METTL9: variants seen among roughly 807,000 people sequenced by gnomAD.
METTL9 encodes methyltransferase 9, His-X-His N1(pi)-histidine, also known as protein-L-histidine N-pros-methyltransferase.
Under a neutral mutation model 36.0 loss-of-function variants are expected in METTL9, and 10 were observed. The ratio of observed to expected loss-of-function variants is 0.28; its 90% CI spans 0.17 to 0.47. The LOEUF is 0.47. METTL9 is among the 20% of genes least tolerant of loss of function. The pLI is 0.99. For missense variants in METTL9, 246 were observed against 383.5 expected (o/e 0.64, Z 3.00); for synonymous variants, 175 against 149.7 (o/e 1.17, Z -1.23).
chr16:21,625,066 C>A lies in METTL9; in HGVS notation c.702C>A (p.Gly234=). Residue 234 remains glycine, a synonymous_variant, in exon 4 of 5, where the codon GGC becomes GGA. Transcript: ENST00000358154. The part of the protein sequence containing the change: ...DIRSVLEPTR[G]RVILALVLPF... Reference sequence around the variant, plus strand: ...GAAGTGTCTTGGAGCCAACTAGAGGCAGGGTCATCCTTGCCCTTGTCCTCC... The same window carrying A: ...GAAGTGTCTTGGAGCCAACTAGAGGAAGGGTCATCCTTGCCCTTGTCCTCC... 1 of 1,614,202 alleles carries A rather than the reference C, an allele frequency of 6.2e-7. No homozygotes were observed. Among genetic ancestry groups the A allele is most frequent in the Non-Finnish European group, 8.5e-7 (1 of 1,180,042 alleles).
At chr16:21,624,741 TA>T (rs201717884) in intron 3 of METTL9, among the ~76,000 whole-genome samples, 189 bp from the exon 4 acceptor site, 1,679 of 143,046 alleles carry the variant, frequency 0.012, 53 homozygotes, top group East Asian at 0.099. Context: ...AAGAAAAAAT[TA>T]AAAAAAAAAA....
chr16:21,636,560 C>T (rs1175858631), intron 4 of METTL9, among the ~76,000 whole-genome samples: 5 of 152,162 alleles, frequency 3.3e-5, no homozygotes, highest in Admixed American at 1.3e-4. Context: ...CTCGCTTGGG[C>T]GACATTGAGA....
At chr16:21,648,367 C>T (rs1000371358) in intron 4 of METTL9, among the ~76,000 whole-genome samples, 3 of 152,162 alleles carry the variant, frequency 2.0e-5, no homozygotes, top group Non-Finnish European at 4.4e-5. Flanking sequence ...GTTAGTGTGA[C>T]GTTCAAGATG....
At chr16:21,647,397 C>T (rs374014200) in intron 4 of METTL9, 18 of 1,613,918 alleles carry the variant, frequency 1.1e-5, no homozygotes, top group African/African-American at 2.7e-5. Context: ...CATCCGGTTG[C>T]GGAGAAGGTA....
At chr16:21,631,000 C>T (rs1238386919) in intron 4 of METTL9, among the ~76,000 whole-genome samples, 4 of 152,148 alleles carry the variant, frequency 2.6e-5, no homozygotes, top group African/African-American at 9.7e-5. Flanking sequence ...CAGAGTCCTC[C>T]CTTCTCAGCA....
intron 1 of METTL9, among the ~76,000 whole-genome samples, chr16:21,600,968 C>CCAG (rs1965109145): frequency 6.6e-6 from 1 of 151,916 alleles, no homozygotes. Flanking sequence ...GAATTTACAC[C>CCAG]CAGGTTGATT....
At chr16:21,621,526 T>G (rs918844204) in intron 3 of METTL9, among the ~76,000 whole-genome samples, 2 of 152,182 alleles carry the variant, frequency 1.3e-5, no homozygotes, top group African/African-American at 4.8e-5. Context: ...AAGGTTTCAC[T>G]GTGTTGCCCA....
Position 21,600,508 on chromosome 16 carries a change from G to A in METTL9, c.165+610G>A, listed in dbSNP as rs994030277. 5.3e-5 allele frequency among the ~76,000 whole-genome samples: 8 copies of A among 152,152 alleles called. No individual in the cohort carries two copies. The East Asian group carries it at 5.8e-4, about 11-fold the overall frequency. On this transcript the variant is annotated intron_variant, in intron 1 of 4. Coordinates refer to ENST00000358154, the MANE Select transcript of METTL9 (RefSeq NM_016025.5). ...CTACGGAACCTTCCCCTCCTACCTA[G>A]CAGAGATCTCCTTTAAACTTGGATT...
At chr16:21,597,973 G>A (rs1282472512), upstream of METTL9, 4 of 152,146 alleles carry the variant, frequency 2.6e-5, no homozygotes, top group African/African-American at 9.7e-5. Context: ...GTGCCTTTTT[G>A]TTTGTTGTTA....
At chr16:21,624,709 A>G (rs930834974) in intron 3 of METTL9, among the ~76,000 whole-genome samples, 1 of 151,938 alleles carries the variant, frequency 6.6e-6, no homozygotes, top group Non-Finnish European at 1.5e-5. Context: ...CCTGGGCAAC[A>G]GAGTGAGGCT....
In METTL9 at chr16:21,617,983, G is replaced by A; in HGVS notation, c.475G>A (p.Val159Ile). 1 of 1,613,402 alleles carries A rather than the reference G, an allele frequency of 6.2e-7. No homozygotes were observed. The highest frequency in any genetic ancestry group is 1.1e-5 in the South Asian group (1 of 90,878). ...LLDLGAGDGEVTKIMSPHFEE... is the reference protein window; with the variant it reads ...LLDLGAGDGEITKIMSPHFEE... ...TGATTTAGGTGCTGGAGATGGAGAA[G>A]TCACAAAAATCATGAGCCCTCATTT... Residue 159 changes from valine to isoleucine, a missense_variant, in exon 3 of 5, where the codon GTC becomes ATC. Around this residue, in one of 2 missense-constraint regions of METTL9, gnomAD observed 146 missense variants for 302.1 expected, o/e 0.48. Coordinates refer to ENST00000358154, the MANE Select transcript of METTL9 (RefSeq NM_016025.5).
chr16:21,608,526 A>G (rs1176290904), intron 1 of METTL9, among the ~76,000 whole-genome samples: 1 of 152,172 alleles, frequency 6.6e-6, no homozygotes, highest in African/African-American at 2.4e-5. Flanking sequence ...GATAGTGGGA[A>G]ACACTACTGG....
chr16:21,652,477 G>A, intron 4 of METTL9: 2 of 1,395,622 alleles, frequency 1.4e-6, no homozygotes, highest in East Asian at 4.6e-5. Flanking sequence ...TGCATTAGGT[G>A]AAAAATAGCA....
At chr16:21,633,902 C>T (rs1180773424) in intron 4 of METTL9, among the ~76,000 whole-genome samples, 1 of 152,098 alleles carries the variant, frequency 6.6e-6, no homozygotes, top group Non-Finnish European at 1.5e-5. Context: ...TTTTGCCCTT[C>T]CAAATTGTCC....
chr16:21,628,277 G>A (rs1422469968), intron 4 of METTL9, among the ~76,000 whole-genome samples: 1 of 152,024 alleles, frequency 6.6e-6, no homozygotes, highest in Non-Finnish European at 1.5e-5. Context: ...TGTTAAACAT[G>A]GCCATTATTG....
At chr16:21,638,739 G>A (rs1355113316) in intron 4 of METTL9, among the ~76,000 whole-genome samples, 1 of 152,196 alleles carries the variant, frequency 6.6e-6, no homozygotes, top group Non-Finnish European at 1.5e-5. Flanking sequence ...GAGGTGAGCT[G>A]TGTTTGTAGT....
upstream of METTL9, among the ~76,000 whole-genome samples, chr16:21,599,059 T>TC (rs554728296): frequency 1.1e-4 from 17 of 152,158 alleles, no homozygotes; most frequent in East Asian, 2.3e-3. This position sits in a 1 kb window ranked among gnomAD's most constrained non-coding sequence, Gnocchi z 4.4. Context: ...CGGGCAACCA[T>TC]CACTGGCACC....
chr16:21,624,991 GAA>G lies in METTL9; in HGVS notation c.628_629del (p.Asn210LeufsTer6). 1 of 1,614,142 alleles carries G rather than the reference GAA, an allele frequency of 6.2e-7. No individual in the cohort carries two copies. Among genetic ancestry groups the G allele is most frequent in the Non-Finnish European group, 8.5e-7 (1 of 1,180,030 alleles). On this transcript the variant is annotated frameshift_variant, in exon 4 of 5. Transcript: ENST00000358154. LOFTEE classifies it high-confidence loss of function. ...GFQYDVISCL[N>X]LLDRCDQPLT... is the part of the protein sequence containing the mutation. ...TCCAGTATGATGTCATCAGCTGCCT[GAA>G]CTTGCTGGACCGCTGTGATCAGCCC...
At chr16:21,652,963 G>T (rs1385485980) in intron 4 of METTL9, 2 of 198,448 alleles carry the variant, frequency 1.0e-5, no homozygotes, top group East Asian at 2.3e-4. Flanking sequence ...CCTGCTCTGG[G>T]TGCCACTCTG....
Sources: allele counts gnomAD v4.1 joint callset (sites outside exome capture counted in the v4.1 genomes callset), GRCh38; gene constraint gnomAD v4.1.1; regional missense constraint gnomAD v4.1.1; non-coding constraint Gnocchi (gnomAD v3.1); transcripts MANE v1.5; gene names NCBI Gene and HGNC (gene_info 2026-07-23, HGNC 2026-07-21).